Variants in SBF2 observed in about 807,000 individuals in gnomAD.
The protein encoded by SBF2 is SET binding factor 2, also known as myotubularin-related protein 13.
A neutral mutation model predicts 225.2 loss-of-function variants in SBF2; 112 were observed. The ratio of observed to expected loss-of-function variants is 0.50; its 90% CI spans 0.43 to 0.58. The LOEUF (loss-of-function observed/expected upper bound fraction) is 0.58, where lower values mean the gene tolerates loss of function less well. SBF2 is among the 20% of genes least tolerant of loss of function. The pLI, the probability that SBF2 is intolerant of heterozygous loss-of-function variation, is 0.00. For missense variants in SBF2, 1,996 were observed against 2,206.2 expected, an observed-to-expected ratio of 0.90 and a Z score of 1.91; for synonymous variants, 763 against 773.3, an observed-to-expected ratio of 0.99 and a Z score of 0.22.
upstream of SBF2, among the ~76,000 whole-genome samples, chr11:10,297,917 T>C (rs1383405044): frequency 6.6e-6 from 1 of 152,272 alleles, no homozygotes; most frequent in Admixed American, 6.5e-5. Flanking sequence ...GCCTGATTAC[T>C]GAGGTTGGCT....
chr11:10,006,821 C>T (rs1182069339), intron 6 of SBF2, among the ~76,000 whole-genome samples: 1 of 152,164 alleles, frequency 6.6e-6, no homozygotes, highest in Non-Finnish European at 1.5e-5. Context: ...AAGTTCAGCC[C>T]CCTTGCAGCA....
intron 16 of SBF2, among the ~76,000 whole-genome samples, chr11:9,907,983 T>C (rs1267334630): frequency 6.6e-6 from 1 of 152,198 alleles, no homozygotes; most frequent in Non-Finnish European, 1.5e-5. Context: ...CTGGATAGTC[T>C]TACTCCAGTA....
At chr11:10,062,445 CA>C (rs1202775258) in intron 2 of SBF2, among the ~76,000 whole-genome samples, 1 of 152,120 alleles carries the variant, frequency 6.6e-6, no homozygotes, top group Non-Finnish European at 1.5e-5. Flanking sequence ...ATGCATCTGA[CA>C]AAGGTCCAAT....
intron 13 of SBF2, among the ~76,000 whole-genome samples, chr11:9,976,349 G>A (rs1309164665): frequency 6.6e-6 from 1 of 152,054 alleles, no homozygotes; most frequent in Non-Finnish European, 1.5e-5. Context: ...TGGGATTACA[G>A]GCGTGAGCCA....
At chr11:10,024,324 A>G (rs1201746915) in intron 6 of SBF2, among the ~76,000 whole-genome samples, 1 of 119,688 alleles carries the variant, frequency 8.4e-6, no homozygotes, top group Non-Finnish European at 2.0e-5. Context: ...ATTTTTATGA[A>G]CATTTTTAAA....
intron 2 of SBF2, among the ~76,000 whole-genome samples, chr11:10,059,146 T>C (rs1357267656): frequency 6.6e-6 from 1 of 151,922 alleles, no homozygotes; most frequent in Non-Finnish European, 1.5e-5. Flanking sequence ...CAGGATCAAA[T>C]CCACACATAA....
intron 2 of SBF2, among the ~76,000 whole-genome samples, chr11:10,130,783 C>T (rs138016206): frequency 1.4e-4 from 21 of 152,212 alleles, no homozygotes; most frequent in African/African-American, 4.3e-4. Context: ...TAAATTGAAT[C>T]GTACAGTATG....
At chr11:10,118,937 C>CA (rs149787721) in intron 2 of SBF2, among the ~76,000 whole-genome samples, 7,145 of 141,740 alleles carry the variant, frequency 0.05, 412 homozygotes, top group East Asian at 0.2. Context: ...AACAAACAAA[C>CA]AAAAAAAAAA....
At chr11:10,075,209 T>C (rs546292319) in intron 2 of SBF2, among the ~76,000 whole-genome samples, 6 of 152,226 alleles carry the variant, frequency 3.9e-5, no homozygotes, top group Admixed American at 6.5e-5. Flanking sequence ...AATTACCTAA[T>C]TTCTCTAAAC....
chr11:10,170,949 T>C (rs978739759), intron 2 of SBF2, among the ~76,000 whole-genome samples: 1 of 152,220 alleles, frequency 6.6e-6, no homozygotes, highest in Non-Finnish European at 1.5e-5. Context: ...TAGTTCACTG[T>C]TGGCATATAG....
At chr11:9,935,429 T>G (rs1316080333) in intron 16 of SBF2, among the ~76,000 whole-genome samples, 1 of 152,140 alleles carries the variant, frequency 6.6e-6, no homozygotes, top group Non-Finnish European at 1.5e-5. Flanking sequence ...ACCAATAACT[T>G]TCTTCACAGA....
chr11:9,993,171 A>G, intron 10 of SBF2, 68 bp from the exon 11 acceptor site: 2 of 1,135,106 alleles, frequency 1.8e-6, no homozygotes, highest in East Asian at 4.7e-5. Flanking sequence ...CAAGTCAAAA[A>G]GGTGAAAAGG....
At chr11:10,293,074 A>G (rs1332030780) in intron 1 of SBF2, among the ~76,000 whole-genome samples, 2 of 152,254 alleles carry the variant, frequency 1.3e-5, no homozygotes, top group South Asian at 2.1e-4. Flanking sequence ...GGGGCTGTAG[A>G]GCTGATATCT....
At chr11:10,120,643 CAG>C (rs1283427481) in intron 2 of SBF2, among the ~76,000 whole-genome samples, 1 of 152,032 alleles carries the variant, frequency 6.6e-6, no homozygotes, top group African/African-American at 2.4e-5. Context: ...TTTTTTGAGA[CAG>C]AGTCTCGCTC....
chr11:10,244,906 G>T lies in SBF2; in HGVS notation c.55+49109C>A, dbSNP rs547425392. Among the ~76,000 whole-genome samples, 8 of 151,948 alleles carry T rather than the reference G, an allele frequency of 5.3e-5. No homozygotes were observed. In the East Asian group the frequency reaches 1.2e-3, roughly 22 times the overall value. On this transcript the variant is annotated intron_variant, in intron 1 of 39. Transcript: ENST00000256190. ...ATCCCAGCACTTTGGGAGGCCAAGG[G>T]GGGTGGATCACTTGAGCTCAGAAGT...
chr11:10,158,755 T>C (rs542763235), intron 2 of SBF2, among the ~76,000 whole-genome samples: 4 of 151,944 alleles, frequency 2.6e-5, no homozygotes, highest in Non-Finnish European at 5.9e-5. Flanking sequence ...CTCAAAAATA[T>C]TCAACAAATG....
Position 10,094,528 on chromosome 11 carries a change from A to ATTT in SBF2, c.142-51550_142-51548dup, listed in dbSNP as rs60485793. On this transcript the variant is annotated intron_variant, in intron 2 of 39. Transcript: ENST00000256190. ...TTTTCCCTACTACAAATACACACAG[A>ATTT]TTTTTTTTTTTTTTTTTTGAGACAG... Among the ~76,000 whole-genome samples, 10 of 107,300 alleles carry ATTT rather than the reference A, an allele frequency of 9.3e-5. 1 individual carries two copies. The highest frequency in any genetic ancestry group is 3.1e-4 in the South Asian group (1 of 3,220). 70.4% of individuals were successfully genotyped at this position (107,300 alleles called of 152,430 possible).
At chr11:9,965,983 G>A (rs919922142) in intron 14 of SBF2, among the ~76,000 whole-genome samples, 6 of 152,164 alleles carry the variant, frequency 3.9e-5, no homozygotes, top group African/African-American at 1.4e-4. Context: ...TATTGAGAGA[G>A]CAATGTGTTT....
At chr11:10,176,746 G>A (rs895943839) in intron 2 of SBF2, among the ~76,000 whole-genome samples, 2 of 152,048 alleles carry the variant, frequency 1.3e-5, no homozygotes, top group South Asian at 2.1e-4. Flanking sequence ...ATTCACAGCC[G>A]AATTGTACCA....
Sources: allele counts gnomAD v4.1 joint callset (sites outside exome capture counted in the v4.1 genomes callset), GRCh38; gene constraint gnomAD v4.1.1; transcripts MANE v1.5; gene names NCBI Gene and HGNC (gene_info 2026-07-23, HGNC 2026-07-21).